Variants in FAM124B observed in about 807,000 individuals in gnomAD.
The protein encoded by FAM124B is protein FAM124B.
FAM124B carries 18 observed loss-of-function variants against 19.7 expected under a neutral mutation model. That is an observed-to-expected ratio of 0.92 (90% confidence interval 0.63 to 1.36). The LOEUF is 1.36. Among genes scored for constraint, FAM124B ranks in the 40% most tolerant of loss-of-function variants. FAM124B has a pLI of 0.00. For missense variants in FAM124B, 540 were observed against 553.3 expected, an observed-to-expected ratio of 0.98 and a Z score of 0.24; for synonymous variants, 223 against 225.2, an observed-to-expected ratio of 0.99 and a Z score of 0.09.
intron 1 of FAM124B, among the ~76,000 whole-genome samples, chr2:224,381,810 T>A (rs1689723039): frequency 6.6e-6 from 1 of 152,202 alleles, no homozygotes; most frequent in Admixed American, 6.5e-5. Flanking sequence ...TCTCTGTTCT[T>A]TCTGCTTAAT....
chr2:224,393,791 G>C (rs1447873060), intron 1 of FAM124B, among the ~76,000 whole-genome samples: 3 of 152,142 alleles, frequency 2.0e-5, no homozygotes, highest in Non-Finnish European at 4.4e-5. Context: ...TTCTTTGGGG[G>C]GTTTTTCCCC....
In FAM124B at chr2:224,380,144, C is replaced by T; in HGVS notation, c.797G>A (p.Gly266Asp). 1 of 1,551,564 alleles carries T rather than the reference C, an allele frequency of 6.4e-7. No individual in the cohort carries two copies. Among genetic ancestry groups the T allele is most frequent in the Non-Finnish European group, 8.7e-7 (1 of 1,146,920 alleles). ...TGCAGAGACAGAAGTCAGCCTGGAG[C>T]CCAGGGGAAGCATGCCAGCTCCCAA... The part of the protein sequence containing the change: ...GILGAGMLPL[G>D]SRLTSVSAKR... The change falls in exon 2 of 2, where the codon GGC (glycine) becomes GAC (aspartate). Residue 266 changes from glycine (G) to aspartate (D), a missense_variant. Transcript: ENST00000409685.
intron 1 of FAM124B, among the ~76,000 whole-genome samples, chr2:224,395,148 C>T (rs1689950592): frequency 6.6e-6 from 1 of 152,114 alleles, no homozygotes; most frequent in Non-Finnish European, 1.5e-5. Context: ...CTGCCAGAGC[C>T]TGACACCAAA....
In FAM124B at chr2:224,400,551, T is replaced by G. The variant is rs1263420554; in HGVS notation, c.732+486A>C. On this transcript the variant is annotated intron_variant, in intron 1 of 1. Transcript: ENST00000409685. Reference sequence around the variant, plus strand: ...AAATTAAAAAAACCATATCTAAACATAAGTATGACTTCAACTTCCTTAAGT... The same window carrying G: ...AAATTAAAAAAACCATATCTAAACAGAAGTATGACTTCAACTTCCTTAAGT... The G allele has an allele frequency of 6.6e-5, 45 of 679,364 alleles. No homozygotes were observed. In the Admixed American group the frequency reaches 9.0e-4, roughly 14 times the overall value. The allele number at this position is 679,364 out of a possible 1,614,324, so 42.1% of individuals were successfully genotyped here. A position where few individuals can be genotyped will look rare whatever the true frequency, so the allele number is the denominator to read the frequency against.
chr2:224,387,776 T>C (rs1298950290), intron 1 of FAM124B, among the ~76,000 whole-genome samples: 3 of 152,014 alleles, frequency 2.0e-5, no homozygotes, highest in African/African-American at 7.2e-5. Flanking sequence ...AGGGAGTTCA[T>C]AGATCCTGAG....
At chr2:224,400,362 C>G in intron 1 of FAM124B, 1 of 637,384 alleles carries the variant, frequency 1.6e-6, no homozygotes, top group South Asian at 1.8e-5. Flanking sequence ...ATAAAATAGC[C>G]AGACATGGCG....
At chr2:224,397,752 C>T (rs1023318040) in intron 1 of FAM124B, among the ~76,000 whole-genome samples, 1 of 152,122 alleles carries the variant, frequency 6.6e-6, no homozygotes, top group African/African-American at 2.4e-5. Flanking sequence ...TTTGCCCCTG[C>T]CCTAGAGATT....
At chr2:224,381,004 T>A (rs1021502534) in intron 1 of FAM124B, among the ~76,000 whole-genome samples, 2 of 152,136 alleles carry the variant, frequency 1.3e-5, no homozygotes, top group Non-Finnish European at 2.9e-5. Flanking sequence ...TTGCATCCTA[T>A]TCCATGCACA....
intron 1 of FAM124B, among the ~76,000 whole-genome samples, chr2:224,394,611 G>A (rs1175550027): frequency 2.0e-5 from 3 of 152,094 alleles, no homozygotes; most frequent in Non-Finnish European, 4.4e-5. Context: ...TTATAGGTAT[G>A]AGCATGTCTG....
In FAM124B at chr2:224,380,084, T is replaced by G; in HGVS notation, c.857A>C (p.Gln286Pro). 6.4e-7 allele frequency: 1 copy of G among 1,551,730 alleles called. No homozygotes were observed. Among genetic ancestry groups the G allele is most frequent in the Non-Finnish European group, 8.7e-7 (1 of 1,147,008 alleles). The change falls in exon 2 of 2, where the codon CAG becomes CCG. Residue 286 changes from glutamine (Q) to proline (P), a missense_variant. By Grantham distance (76) the Gln-to-Pro change is moderately conservative (BLOSUM62 -1). Transcript: ENST00000409685. ...AGAATGCCCCTGGGACCTCTTGCCCTGGTTCCTCTGGCTCCTGGGTTCTGA... is the reference window on the plus strand; with the variant it reads ...AGAATGCCCCTGGGACCTCTTGCCCGGGTTCCTCTGGCTCCTGGGTTCTGA... ...RTSEPRSQRNQGKRSQGHSLE... is the reference protein window; with the variant it reads ...RTSEPRSQRNPGKRSQGHSLE...
rs1690074468 is a variant in FAM124B, at chr2:224,401,557, A to C, written c.212T>G (p.Leu71Arg). The C allele has an allele frequency of 6.2e-6, 10 of 1,614,184 alleles. No homozygotes were observed. Among genetic ancestry groups the C allele is most frequent in the Non-Finnish European group, 8.5e-6 (10 of 1,180,026 alleles). ...CTCTCCCGGGCTTTCGTGCAGGAAG[A>C]GCAACACGGACATCCCTGGAAACCG... ...RSRFPGMSVL[L>R]FLHESPGEDR... The change falls in exon 1 of 2, where the codon CTC becomes CGC. Residue 71 changes from leucine to arginine, a missense_variant. Leu to Arg is a moderately radical substitution (Grantham distance 102). Transcript: ENST00000409685.
rs1035525215 is a variant in FAM124B, at chr2:224,402,016, C to T, written c.-248G>A. Reference sequence around the variant, plus strand: ...TCTCCACACAGCAGCAGCGGGGTCACGTCATCCAGCTTGTGCATAATGTAA... The same window carrying T: ...TCTCCACACAGCAGCAGCGGGGTCATGTCATCCAGCTTGTGCATAATGTAA... On this transcript the variant is annotated 5_prime_UTR_variant, in exon 1 of 2. It adds an upstream start codon to the 5' untranslated region. Coordinates refer to ENST00000409685, the MANE Select transcript of FAM124B (RefSeq NM_001122779.2). 1.0e-5 allele frequency: 5 copies of T among 496,358 alleles called. No homozygotes were observed. The highest frequency in any genetic ancestry group is 5.7e-5 in the African/African-American group (3 of 52,678). The allele number at this position is 496,358 out of a possible 1,614,324, so 30.7% of individuals were successfully genotyped here.
chr2:224,391,202 A>G (rs1389064027), intron 1 of FAM124B, among the ~76,000 whole-genome samples: 1 of 151,158 alleles, frequency 6.6e-6, no homozygotes, highest in Non-Finnish European at 1.5e-5. Flanking sequence ...TTAGCTGGGC[A>G]TGGTGCCGCA....
intron 1 of FAM124B, among the ~76,000 whole-genome samples, chr2:224,380,798 C>T (rs570915467): frequency 1.3e-5 from 2 of 152,180 alleles, no homozygotes; most frequent in East Asian, 3.9e-4. Flanking sequence ...AGATTAGAGG[C>T]CTGGTATTGC....
chr2:224,389,533 G>A (rs1689847872), intron 1 of FAM124B, among the ~76,000 whole-genome samples: 1 of 152,130 alleles, frequency 6.6e-6, no homozygotes, highest in Admixed American at 6.5e-5. Flanking sequence ...GATTGGATGT[G>A]GGGGTTCTGA....
chr2:224,401,361 C>G lies in FAM124B; in HGVS notation c.408G>C (p.Glu136Asp). 1.1e-5 allele frequency: 18 copies of G among 1,614,106 alleles called. No individual in the cohort carries two copies. Among genetic ancestry groups the G allele is most frequent in the Non-Finnish European group, 1.5e-5 (18 of 1,180,022 alleles). The change falls in exon 1 of 2, where the codon GAG becomes GAC. Residue 136 changes from glutamate to aspartate, a missense_variant. Glu to Asp is a conservative substitution (Grantham distance 45). Transcript: ENST00000409685. Reference sequence around the variant, plus strand: ...TGCAGTACAGCGTCACCCTCAGGATCTCGGAGCCACAGTGCACCTGCCTCA... The same window carrying G: ...TGCAGTACAGCGTCACCCTCAGGATGTCGGAGCCACAGTGCACCTGCCTCA... Reference protein sequence around the residue: ...WGVRQVHCGSEILRVTLYCSF... With the variant: ...WGVRQVHCGSDILRVTLYCSF...
At chr2:224,385,752 C>T (rs530759694) in intron 1 of FAM124B, among the ~76,000 whole-genome samples, 118 of 152,268 alleles carry the variant, frequency 7.7e-4, no homozygotes, top group African/African-American at 2.7e-3. Flanking sequence ...CATTAGCTCC[C>T]ACATGACCCC....
chr2:224,393,509 T>TG (rs1447662483), intron 1 of FAM124B, among the ~76,000 whole-genome samples: 1 of 152,134 alleles, frequency 6.6e-6, no homozygotes, highest in African/African-American at 2.4e-5. Context: ...ACAATGGTGG[T>TG]GGGAGGCGAG....
chr2:224,382,589 A>G (rs1689740273), intron 1 of FAM124B, among the ~76,000 whole-genome samples: 1 of 151,978 alleles, frequency 6.6e-6, no homozygotes, highest in South Asian at 2.1e-4. Context: ...TTGTATTTTT[A>G]GTAGAGATGA....
Sources: allele counts gnomAD v4.1 joint callset (sites outside exome capture counted in the v4.1 genomes callset), GRCh38; gene constraint gnomAD v4.1.1; transcripts MANE v1.5; gene names NCBI Gene and HGNC (gene_info 2026-07-23, HGNC 2026-07-21).